The following PRKAR1A variants were observed in gnomAD, a reference collection of about 807,000 sequenced individuals.
PRKAR1A encodes protein kinase cAMP-dependent type I regulatory subunit alpha.
In PRKAR1A, 3 loss-of-function variants were observed where a neutral mutation model predicts 52.0. The ratio of observed to expected loss-of-function variants is 0.06; its 90% CI spans 0.03 to 0.15. The LOEUF (loss-of-function observed/expected upper bound fraction) is 0.15, where lower values mean the gene tolerates loss of function less well. Ranked by LOEUF, PRKAR1A falls within the 10% of genes least tolerant of loss-of-function variation. The probability of loss-of-function intolerance (pLI) is 1.00; values close to 1 mark genes in which losing one functional copy is unlikely to be tolerated. For missense variants in PRKAR1A, 240 were observed against 477.4 expected (o/e 0.50, Z 4.63); for synonymous variants, 188 against 168.4 (o/e 1.12, Z -0.90).
the PRKAR1A span, among the ~76,000 whole-genome samples, chr17:68,441,956 T>G: frequency 6.6e-6 from 1 of 152,214 alleles, no homozygotes; most frequent in Non-Finnish European, 1.5e-5. Flanking sequence ...GGAGGCATTC[T>G]TTTATCTGAG....
the PRKAR1A span, among the ~76,000 whole-genome samples, chr17:68,483,397 C>T: frequency 6.6e-6 from 1 of 152,190 alleles, no homozygotes; most frequent in African/African-American, 2.4e-5. Flanking sequence ...AGGAGAATCA[C>T]TTGAACTCGG....
At chr17:68,542,330 A>G (rs2086338848) in intron 11 of PRKAR1A, among the ~76,000 whole-genome samples, 1 of 152,162 alleles carries the variant, frequency 6.6e-6, no homozygotes. Context: ...TGAGGGTGTG[A>G]ATGCTACTAA....
intron 11 of PRKAR1A, among the ~76,000 whole-genome samples, chr17:68,538,687 GA>G (rs2086167745): frequency 1.3e-5 from 2 of 152,250 alleles, no homozygotes; most frequent in Admixed American, 1.3e-4. Context: ...GAGCCGATAT[GA>G]ATGCTGGGCA....
the PRKAR1A span, among the ~76,000 whole-genome samples, chr17:68,478,877 G>A: frequency 3.3e-5 from 5 of 152,014 alleles, no homozygotes; most frequent in Admixed American, 6.6e-5. Context: ...ACAGGCACAC[G>A]CCACCATGTC....
chr17:68,540,962 A>G lies in PRKAR1A; in HGVS notation c.974-10122A>G, dbSNP rs1276115408. ...GTAAAGGGGATTGACCTCCCACCTG[A>G]GGGGGAGAAGAAGTCCTGGGGCTGG... On this transcript the variant is annotated intron_variant, in intron 11 of 11. Transcript: ENST00000585981. 3 of 1,578,362 alleles carry G rather than the reference A, an allele frequency of 1.9e-6. No individual in the cohort carries two copies. The South Asian group carries it at 3.5e-5, about 18-fold the overall frequency.
the PRKAR1A span, among the ~76,000 whole-genome samples, chr17:68,452,408 T>C: frequency 6.6e-6 from 1 of 152,216 alleles, no homozygotes; most frequent in South Asian, 2.1e-4. Context: ...CTACTAAAAA[T>C]ACAAAAATTA....
the PRKAR1A span, among the ~76,000 whole-genome samples, chr17:68,448,765 G>A: frequency 1.3e-5 from 2 of 152,170 alleles, no homozygotes. Flanking sequence ...TATATGCAAG[G>A]ATAAAAAGTT....
chr17:68,449,350 C>T, the PRKAR1A span, among the ~76,000 whole-genome samples: 1 of 152,202 alleles, frequency 6.6e-6, no homozygotes, highest in Non-Finnish European at 1.5e-5. Context: ...AGTAATTTGG[C>T]CAAGCGTGGT....
chr17:68,428,112 G>T, the PRKAR1A span: 1 of 152,214 alleles, frequency 6.6e-6, no homozygotes, highest in Non-Finnish European at 1.5e-5. Flanking sequence ...TTCTCAGGCT[G>T]GTCTCAAACT....
intron 11 of PRKAR1A, chr17:68,541,010 CG>C: frequency 6.5e-7 from 1 of 1,549,666 alleles, no homozygotes; most frequent in Non-Finnish European, 8.7e-7. Flanking sequence ...GGCAGGGTGT[CG>C]GGGGTCTCCC....
At chr17:68,550,959 C>T (rs544281815) in intron 11 of PRKAR1A, 29 of 799,056 alleles carry the variant, frequency 3.6e-5, no homozygotes, top group African/African-American at 2.7e-4. Context: ...CAATGGGCCT[C>T]CCCTTGAATG....
At chr17:68,447,901 G>C in the PRKAR1A span, among the ~76,000 whole-genome samples, 25 of 150,864 alleles carry the variant, frequency 1.7e-4, no homozygotes, top group Admixed American at 7.3e-4. Flanking sequence ...GGTGAGGCAG[G>C]AGAATTGCTT....
the PRKAR1A span, among the ~76,000 whole-genome samples, chr17:68,455,547 T>G: frequency 6.6e-6 from 1 of 152,176 alleles, no homozygotes; most frequent in African/African-American, 2.4e-5. Flanking sequence ...AGTAAGGGGC[T>G]TGACTTATTT....
chr17:68,461,146 CTCTT>C, the PRKAR1A span, among the ~76,000 whole-genome samples: 1 of 147,936 alleles, frequency 6.8e-6, no homozygotes, highest in Admixed American at 6.8e-5. This position sits in a 1 kb window ranked among gnomAD's most constrained non-coding sequence, Gnocchi z 4.6. Flanking sequence ...TTTGGCCTTT[CTCTT>C]TCTTTCAACT....
At chr17:68,484,628 TAGAA>T in the PRKAR1A span, among the ~76,000 whole-genome samples, 1 of 152,238 alleles carries the variant, frequency 6.6e-6, no homozygotes, top group Non-Finnish European at 1.5e-5. Flanking sequence ...TGATCTTAGA[TAGAA>T]AGCATTCAGT....
the PRKAR1A span, among the ~76,000 whole-genome samples, chr17:68,447,468 A>C: frequency 0.12 from 18,616 of 152,132 alleles, 1,220 homozygotes; most frequent in South Asian, 0.21. Flanking sequence ...TGCAGCCTTC[A>C]ACTCTTGGGC....
chr17:68,507,636 A>G (rs890957674), upstream of PRKAR1A, among the ~76,000 whole-genome samples: 3 of 152,182 alleles, frequency 2.0e-5, no homozygotes, highest in Admixed American at 6.5e-5. Context: ...TGTATCCCGA[A>G]CTTAAATTAA....
chr17:68,511,378 A>AC (rs1468066863), upstream of PRKAR1A, among the ~76,000 whole-genome samples: 1 of 152,044 alleles, frequency 6.6e-6, no homozygotes, highest in Non-Finnish European at 1.5e-5. Flanking sequence ...CTCCTTAGAC[A>AC]GATACTCTGA....
At chr17:68,482,203 T>C in the PRKAR1A span, among the ~76,000 whole-genome samples, 1 of 152,260 alleles carries the variant, frequency 6.6e-6, no homozygotes, top group Non-Finnish European at 1.5e-5. Context: ...GACAGACGGA[T>C]TTGACTGCAT....
Sources: gnomAD v4.1 joint callset for allele counts (sites outside exome capture counted in the v4.1 genomes callset) on GRCh38, gnomAD v4.1.1 for gene constraint, Gnocchi (gnomAD v3.1) non-coding constraint, MANE v1.5 for transcripts, NCBI Gene and HGNC (gene_info 2026-07-23, HGNC 2026-07-21) for gene names.